Variants in FAF1 observed in about 807,000 individuals in gnomAD.
FAF1 encodes the protein Fas associated factor 1, also known as FAS-associated factor 1.
In FAF1, 25 loss-of-function variants were observed where a neutral mutation model predicts 92.5. The ratio of observed to expected loss-of-function variants is 0.27; its 90% confidence interval spans 0.20 to 0.38. The LOEUF (loss-of-function observed/expected upper bound fraction) is 0.38, where lower values mean the gene tolerates loss of function less well. FAF1 is among the 10% of genes least tolerant of loss of function. The pLI is 1.00. For synonymous variants in FAF1, 234 were observed against 273.2 expected (o/e 0.86, Z 1.42); for missense variants, 636 against 793.3 (o/e 0.80, Z 2.38).
At chr1:50,785,834 C>T (rs1316848736) in intron 4 of FAF1, among the ~76,000 whole-genome samples, 3 of 152,040 alleles carry the variant, frequency 2.0e-5, no homozygotes, top group African/African-American at 7.2e-5. Context: ...TATGAAATAT[C>T]CACACTCCCA....
chr1:50,616,080 C>A (rs760060177), intron 8 of FAF1, among the ~76,000 whole-genome samples: 3 of 152,118 alleles, frequency 2.0e-5, no homozygotes, highest in African/African-American at 7.2e-5. Context: ...ATATGGCTAG[C>A]CAGTTATCCC....
At chr1:50,700,947 C>A (rs527591849) in intron 7 of FAF1, among the ~76,000 whole-genome samples, 9 of 152,108 alleles carry the variant, frequency 5.9e-5, no homozygotes, top group Admixed American at 3.9e-4. Flanking sequence ...TCACAGGAAA[C>A]CTCAATATTT....
chr1:50,745,711 G>A (rs1283540641), intron 4 of FAF1, among the ~76,000 whole-genome samples: 1 of 152,188 alleles, frequency 6.6e-6, no homozygotes, highest in Admixed American at 6.5e-5. Flanking sequence ...CCATGGAACA[G>A]TGAGACAATT....
intron 1 of FAF1, among the ~76,000 whole-genome samples, chr1:50,876,826 C>T (rs1451964386): frequency 2.6e-5 from 4 of 152,138 alleles, no homozygotes; most frequent in Non-Finnish European, 4.4e-5. Flanking sequence ...TCAGGTGGTC[C>T]GCCCACCTCG....
chr1:50,812,522 G>A (rs1643926152), intron 2 of FAF1, among the ~76,000 whole-genome samples: 1 of 151,952 alleles, frequency 6.6e-6, no homozygotes, highest in African/African-American at 2.4e-5. Flanking sequence ...AACCACAAGA[G>A]AAACCATCTC....
At chr1:50,525,406 T>C (rs1295528427) in intron 15 of FAF1, among the ~76,000 whole-genome samples, 1 of 152,226 alleles carries the variant, frequency 6.6e-6, no homozygotes, top group Non-Finnish European at 1.5e-5. Flanking sequence ...ATGGGTTAAT[T>C]TCATATCCTA....
At chr1:50,814,759 A>G (rs1643951332) in intron 2 of FAF1, among the ~76,000 whole-genome samples, 1 of 152,184 alleles carries the variant, frequency 6.6e-6, no homozygotes, top group South Asian at 2.1e-4. Context: ...ACTAATCATT[A>G]AAGATGCTGA....
intron 17 of FAF1, among the ~76,000 whole-genome samples, chr1:50,484,056 G>A (rs986480916): frequency 6.6e-6 from 1 of 152,152 alleles, no homozygotes; most frequent in Non-Finnish European, 1.5e-5. Flanking sequence ...GGAGTCAAAC[G>A]TATAGACAAT....
rs71850142 is a variant in FAF1 at position 50,472,368 on chromosome 1, T to TACACACACACAC, written c.1869+3084_1869+3095dup. ...GTTATTAGCAAAATTGGGGAAAACA[T>TACACACACACAC]ACACACACACACACACACACACACA... On this transcript the variant is annotated intron_variant, in intron 18 of 18. Transcript: ENST00000396153. Among the ~76,000 whole-genome samples, 734 of 123,940 alleles carry TACACACACACAC rather than the reference T, an allele frequency of 5.9e-3. 13 individuals are homozygous for TACACACACACAC. Among genetic ancestry groups the TACACACACACAC allele is most frequent in the Non-Finnish European group, 7.2e-3 (433 of 60,444 alleles). 81.3% of individuals were successfully genotyped at this position (123,940 alleles called of 152,430 possible). A position where few individuals can be genotyped will look rare whatever the true frequency, so the allele number is the denominator to read the frequency against.
intron 4 of FAF1, among the ~76,000 whole-genome samples, chr1:50,782,155 G>A (rs1483005965): frequency 6.6e-6 from 1 of 151,996 alleles, no homozygotes; most frequent in Non-Finnish European, 1.5e-5. Context: ...ACTTTTTATT[G>A]TTATTTTAAA....
chr1:50,732,059 C>CATTATT (rs972779942), intron 6 of FAF1, among the ~76,000 whole-genome samples: 1 of 151,596 alleles, frequency 6.6e-6, no homozygotes, highest in Admixed American at 6.6e-5. Flanking sequence ...TTGCTAAATA[C>CATTATT]ATTATTATTA....
chr1:50,478,868 G>GT (rs1441796384), intron 17 of FAF1, among the ~76,000 whole-genome samples: 2 of 152,160 alleles, frequency 1.3e-5, no homozygotes, highest in East Asian at 3.9e-4. Flanking sequence ...TTGTTTTAAA[G>GT]TTTTTATTAA....
chr1:50,873,298 G>A (rs1023308752), intron 1 of FAF1, among the ~76,000 whole-genome samples: 5 of 152,100 alleles, frequency 3.3e-5, no homozygotes, highest in Admixed American at 3.3e-4. Flanking sequence ...CTACTTTACC[G>A]CATTGGTCGG....
intron 2 of FAF1, among the ~76,000 whole-genome samples, chr1:50,810,861 C>T (rs1643901548): frequency 6.6e-6 from 1 of 152,124 alleles, no homozygotes; most frequent in South Asian, 2.1e-4. Flanking sequence ...CCAGCGTGGC[C>T]AACATGGTGA....
At chr1:50,706,860 T>C (rs986350044) in intron 6 of FAF1, among the ~76,000 whole-genome samples, 1 of 152,158 alleles carries the variant, frequency 6.6e-6, no homozygotes, top group African/African-American at 2.4e-5. Flanking sequence ...CTTTCCTCCT[T>C]TGCCCATCTG....
At chr1:50,901,028 A>G (rs1439584996) in intron 1 of FAF1, among the ~76,000 whole-genome samples, 1 of 152,216 alleles carries the variant, frequency 6.6e-6, no homozygotes, top group Non-Finnish European at 1.5e-5. Context: ...AATTGTTTAA[A>G]ACATTAAAAA....
chr1:50,829,749 C>G (rs1303109434), intron 2 of FAF1, among the ~76,000 whole-genome samples: 1 of 152,202 alleles, frequency 6.6e-6, no homozygotes, highest in Non-Finnish European at 1.5e-5. Flanking sequence ...GGACAGCTGA[C>G]ATTATATCCT....
intron 18 of FAF1, among the ~76,000 whole-genome samples, chr1:50,467,981 G>A (rs1421570900): frequency 1.3e-5 from 2 of 152,186 alleles, no homozygotes; most frequent in African/African-American, 2.4e-5. Flanking sequence ...AGCCAAAGTA[G>A]GCAGATCATC....
At chr1:50,730,108 G>A (rs975672594) in intron 6 of FAF1, among the ~76,000 whole-genome samples, 10 of 152,028 alleles carry the variant, frequency 6.6e-5, no homozygotes, top group Middle Eastern at 3.4e-3. Context: ...AGCAGCATGC[G>A]GAATTTTTGA....
Sources: allele counts gnomAD v4.1 joint callset (sites outside exome capture counted in the v4.1 genomes callset), GRCh38; gene constraint gnomAD v4.1.1; transcripts MANE v1.5; gene names NCBI Gene and HGNC (gene_info 2026-07-23, HGNC 2026-07-21).